SUPT3H: variants seen among roughly 807,000 people sequenced by gnomAD.
The protein encoded by SUPT3H is SPT3 homolog, SAGA and STAGA complex component, also known as transcription initiation protein SPT3 homolog.
In SUPT3H, 44 loss-of-function variants were observed where a neutral mutation model predicts 44.3. The observed-to-expected ratio is 0.99, with a 90% CI of 0.78 to 1.28. The LOEUF is 1.28. Among genes scored for constraint, SUPT3H ranks in the 50% most tolerant of loss-of-function variants. The probability of loss-of-function intolerance (pLI) is 0.00; values close to 1 mark genes in which losing one functional copy is unlikely to be tolerated. For synonymous variants in SUPT3H, 124 were observed against 125.6 expected, an observed-to-expected ratio of 0.99 and a Z score of 0.09; for missense variants, 380 against 387.1, an observed-to-expected ratio of 0.98 and a Z score of 0.15.
chr6:45,179,307 G>A lies in SUPT3H; in HGVS notation c.102-73301C>T, dbSNP rs574125768. 4.2e-3 allele frequency among the ~76,000 whole-genome samples: 646 copies of A among 152,158 alleles called. 8 individuals are homozygous for A. Among genetic ancestry groups the A allele is most frequent in the Non-Finnish European group, 3.1e-3 (208 of 67,996 alleles). Reference sequence around the variant, plus strand: ...CGAATTCTATCAGAGGTACAAGGAGGAACTGGTACCATTCCTTCTGAAACT... The same window carrying A: ...CGAATTCTATCAGAGGTACAAGGAGAAACTGGTACCATTCCTTCTGAAACT... On this transcript the variant is annotated intron_variant, in intron 2 of 10. Coordinates refer to ENST00000371459, the MANE Select transcript of SUPT3H (RefSeq NM_003599.4).
intron 6 of SUPT3H, among the ~76,000 whole-genome samples, chr6:45,001,665 G>C (rs1236257835): frequency 1.3e-5 from 2 of 152,016 alleles, no homozygotes; most frequent in East Asian, 1.9e-4. Flanking sequence ...CTGTTGGTAG[G>C]TCTATACCAT....
Position 45,302,532 on chromosome 6 carries a change from TATATATATATATATATATATATATGC to T in SUPT3H, c.101+62643_101+62668del, listed in dbSNP as rs1474866082. ...TCTCAGGAATATATATATATATATA[TATATATATATATATATATATATATGC>T]ATGCCACAATTTATTTATCTACTTA... On this transcript the variant is annotated intron_variant, in intron 2 of 10. Coordinates refer to ENST00000371459, the MANE Select transcript of SUPT3H (RefSeq NM_003599.4). Among the ~76,000 whole-genome samples the T allele has an allele frequency of 3.0e-3, 156 of 51,666 alleles. 7 individuals carry two copies. In the East Asian group the frequency reaches 0.37, roughly 122 times the overall value. 33.9% of individuals were successfully genotyped at this position (51,666 alleles called of 152,430 possible).
intron 2 of SUPT3H, among the ~76,000 whole-genome samples, chr6:45,288,419 C>A (rs1779662352): frequency 6.6e-6 from 1 of 151,532 alleles, no homozygotes; most frequent in Non-Finnish European, 1.5e-5. Context: ...AACATAATAA[C>A]TATGCAATGC....
intron 2 of SUPT3H, among the ~76,000 whole-genome samples, chr6:45,246,034 C>T (rs910635631): frequency 6.6e-6 from 1 of 151,970 alleles, no homozygotes; most frequent in Non-Finnish European, 1.5e-5. Flanking sequence ...TAATATAGAG[C>T]ATATTTTCAT....
intron 2 of SUPT3H, among the ~76,000 whole-genome samples, chr6:45,259,842 T>C (rs918378726): frequency 2.6e-5 from 4 of 152,182 alleles, no homozygotes; most frequent in Non-Finnish European, 5.9e-5. Context: ...GACAGGTTCA[T>C]TGCAGTTAAT....
chr6:45,277,939 T>C (rs993588648), intron 2 of SUPT3H, among the ~76,000 whole-genome samples: 44 of 152,198 alleles, frequency 2.9e-4, no homozygotes, highest in African/African-American at 1.0e-3. Flanking sequence ...TGGAATACTA[T>C]GCAGCCATAA....
intron 3 of SUPT3H, among the ~76,000 whole-genome samples, chr6:45,036,700 T>C (rs1419463800): frequency 3.3e-5 from 5 of 151,964 alleles, no homozygotes; most frequent in African/African-American, 1.2e-4. Flanking sequence ...CCTGTGAAGG[T>C]AGATTAAGGT....
intron 10 of SUPT3H, among the ~76,000 whole-genome samples, chr6:44,860,337 C>A (rs1186608769): frequency 6.6e-6 from 1 of 152,116 alleles, no homozygotes; most frequent in Non-Finnish European, 1.5e-5. Context: ...TCATTCAGAC[C>A]ACCAAAAATG....
intron 2 of SUPT3H, among the ~76,000 whole-genome samples, chr6:45,237,579 G>A (rs7758007): frequency 1.6e-4 from 25 of 152,172 alleles, no homozygotes; most frequent in Admixed American, 6.5e-4. Flanking sequence ...TGCTTCAAGC[G>A]GAAAGACAAA....
intron 2 of SUPT3H, among the ~76,000 whole-genome samples, chr6:45,185,489 A>T (rs2153615481): frequency 6.6e-6 from 1 of 152,246 alleles, no homozygotes; most frequent in Admixed American, 6.5e-5. Context: ...TTAGGGAAAA[A>T]CATTCTAGGA....
intron 3 of SUPT3H, among the ~76,000 whole-genome samples, chr6:45,044,682 T>C (rs978581933): frequency 3.9e-5 from 6 of 152,160 alleles, no homozygotes; most frequent in Admixed American, 1.3e-4. Flanking sequence ...CAAGGTCTCA[T>C]GGTTACTGGG....
At chr6:45,217,562 T>C (rs889907279) in intron 2 of SUPT3H, among the ~76,000 whole-genome samples, 2 of 151,996 alleles carry the variant, frequency 1.3e-5, no homozygotes, top group Non-Finnish European at 2.9e-5. Context: ...AAGCAACTAC[T>C]AGGAAAATTA....
intron 2 of SUPT3H, among the ~76,000 whole-genome samples, chr6:45,156,687 C>CA (rs1422828828): frequency 6.6e-6 from 1 of 151,498 alleles, no homozygotes; most frequent in Non-Finnish European, 1.5e-5. Context: ...ATGAGTATAA[C>CA]AAGAAATGAG....
chr6:45,243,510 G>GA (rs1326337057), intron 2 of SUPT3H, among the ~76,000 whole-genome samples: 1 of 151,966 alleles, frequency 6.6e-6, no homozygotes, highest in Admixed American at 6.6e-5. Flanking sequence ...CTGAGAATGA[G>GA]AAAAAGAACA....
intron 10 of SUPT3H, among the ~76,000 whole-genome samples, chr6:44,846,184 A>G (rs1052036650): frequency 1.3e-5 from 2 of 152,142 alleles, no homozygotes; most frequent in Non-Finnish European, 2.9e-5. Flanking sequence ...CCATTTCAGT[A>G]CCATCCCTGA....
intron 10 of SUPT3H, among the ~76,000 whole-genome samples, chr6:44,846,833 C>A (rs184046567): frequency 1.2e-4 from 18 of 152,162 alleles, no homozygotes; most frequent in Middle Eastern, 3.4e-3. Context: ...GGTTTCTCTG[C>A]TGGACAGGCT....
chr6:45,056,308 G>C (rs2153539234), intron 3 of SUPT3H, among the ~76,000 whole-genome samples: 1 of 152,288 alleles, frequency 6.6e-6, no homozygotes, highest in East Asian at 1.9e-4. Context: ...TCTACCATTT[G>C]ATCTAGCAAT....
At chr6:45,110,465 T>A (rs1583591786) in intron 2 of SUPT3H, among the ~76,000 whole-genome samples, 1 of 152,076 alleles carries the variant, frequency 6.6e-6, no homozygotes, top group African/African-American at 2.4e-5. Context: ...TTAGGGGAGA[T>A]CCTTCAAATA....
At chr6:45,252,458 G>C (rs1188243464) in intron 2 of SUPT3H, among the ~76,000 whole-genome samples, 1 of 152,148 alleles carries the variant, frequency 6.6e-6, no homozygotes, top group Non-Finnish European at 1.5e-5. Flanking sequence ...CCAATTGTCT[G>C]TATGCTGCCC....
Sources: allele counts gnomAD v4.1 joint callset (sites outside exome capture counted in the v4.1 genomes callset), GRCh38; gene constraint gnomAD v4.1.1; transcripts MANE v1.5; gene names NCBI Gene and HGNC (gene_info 2026-07-23, HGNC 2026-07-21).